PCBD2: variants seen among roughly 807,000 people sequenced by gnomAD.
PCBD2 encodes the protein pterin-4-alpha-carbinolamine dehydratase 2.
PCBD2 carries 12 observed loss-of-function variants against 16.4 expected under a neutral mutation model. That is an observed-to-expected ratio of 0.73 (90% CI 0.47 to 1.19). The LOEUF (loss-of-function observed/expected upper bound fraction) is 1.19, where lower values mean the gene tolerates loss of function less well. Among genes scored for constraint, PCBD2 ranks in the 50% most tolerant of loss-of-function variants. PCBD2 has a pLI of 0.00. For missense variants in PCBD2, 138 were observed against 156.8 expected (o/e 0.88, Z 0.64); for synonymous variants, 58 against 61.8 (o/e 0.94, Z 0.29).
At chr5:134,917,484 A>G (rs1561907460) in intron 2 of PCBD2, among the ~76,000 whole-genome samples, 1 of 152,210 alleles carries the variant, frequency 6.6e-6, no homozygotes, top group Non-Finnish European at 1.5e-5. Flanking sequence ...TTCAGGAGGA[A>G]GGGACCAAGC....
At chr5:134,935,247 A>G (rs1386644653) in intron 2 of PCBD2, among the ~76,000 whole-genome samples, 1 of 152,214 alleles carries the variant, frequency 6.6e-6, no homozygotes, top group Non-Finnish European at 1.5e-5. Context: ...GCTGGTTTAA[A>G]TGTAACTGTT....
At chr5:134,916,860 TGACA>T (rs1019617604) in intron 2 of PCBD2, among the ~76,000 whole-genome samples, 5 of 152,234 alleles carry the variant, frequency 3.3e-5, no homozygotes, top group Admixed American at 6.5e-5. Flanking sequence ...AGTATGTTGG[TGACA>T]GACAGTGACT....
rs1387848985 is a variant in PCBD2, at chr5:134,961,853, C to A, written c.*1172C>A. Among the ~76,000 whole-genome samples, 1 of 151,698 alleles carries A rather than the reference C, an allele frequency of 6.6e-6. No homozygotes were observed. Among genetic ancestry groups the A allele is most frequent in the African/African-American group, 2.4e-5 (1 of 41,254 alleles). ...CACGGTTTATTGCAGCCTTAACCTC[C>A]TGGGCTCAAGCAGTTCTCCCTCCTC... On this transcript the variant is annotated 3_prime_UTR_variant, in exon 4 of 4. Transcript: ENST00000254908.
At chr5:134,949,573 C>T (rs2149539410) in intron 2 of PCBD2, among the ~76,000 whole-genome samples, 1 of 152,262 alleles carries the variant, frequency 6.6e-6, no homozygotes, top group South Asian at 2.1e-4. Context: ...GTCTGACAGT[C>T]CAGAGAAAAA....
At chr5:134,948,541 A>G (rs562872636) in intron 2 of PCBD2, among the ~76,000 whole-genome samples, 202 of 152,326 alleles carry the variant, frequency 1.3e-3, no homozygotes, top group Admixed American at 2.5e-3. Flanking sequence ...GGAATTCAGT[A>G]GAAATTTACT....
chr5:134,929,149 A>G lies in PCBD2; in HGVS notation c.216+18683A>G, dbSNP rs192479819. Among the ~76,000 whole-genome samples the G allele has an allele frequency of 2.5e-3, 383 of 152,220 alleles. 5 individuals carry two copies. Among genetic ancestry groups the G allele is most frequent in the Non-Finnish European group, 6.5e-4 (44 of 68,018 alleles). On this transcript the variant is annotated intron_variant, in intron 2 of 3. Transcript: ENST00000254908. Reference sequence around the variant, plus strand: ...TCAGGACTTGGTCCATTTAGGGGTGAGTTAGAAGAGGAGGAGTTGGCAAAG... The same window carrying G: ...TCAGGACTTGGTCCATTTAGGGGTGGGTTAGAAGAGGAGGAGTTGGCAAAG...
At chr5:134,933,674 C>T (rs1005365664) in intron 2 of PCBD2, among the ~76,000 whole-genome samples, 80 of 152,164 alleles carry the variant, frequency 5.3e-4, no homozygotes, top group African/African-American at 1.6e-3. Context: ...CTAAATGCTC[C>T]GTATTAATGC....
chr5:134,960,351 GAGAACTTTTTATTTCA>G (rs1313815652), intron 3 of PCBD2, among the ~76,000 whole-genome samples: 1 of 152,190 alleles, frequency 6.6e-6, no homozygotes, highest in Non-Finnish European at 1.5e-5. Context: ...CTTCATGGAA[GAGAACTTTTTATTTCA>G]AGGTGGCTGT....
At chr5:134,915,246 C>T (rs1349239175) in intron 2 of PCBD2, among the ~76,000 whole-genome samples, 4 of 148,766 alleles carry the variant, frequency 2.7e-5, no homozygotes, top group Non-Finnish European at 3.0e-5. Flanking sequence ...ACCTGGGAGG[C>T]GGAGGTTGCA....
intron 2 of PCBD2, among the ~76,000 whole-genome samples, chr5:134,944,863 A>C (rs1440314782): frequency 6.6e-6 from 1 of 152,248 alleles, no homozygotes; most frequent in East Asian, 1.9e-4. Context: ...GCTGGTGTTT[A>C]TCTGGTCAGG....
At chr5:134,945,943 A>G (rs913057128) in intron 2 of PCBD2, among the ~76,000 whole-genome samples, 3 of 152,194 alleles carry the variant, frequency 2.0e-5, no homozygotes, top group Admixed American at 6.5e-5. Context: ...TTTTCAGGAT[A>G]TAAGGATACC....
At chr5:134,908,862 G>A (rs1374845568) in intron 1 of PCBD2, 1 of 152,140 alleles carries the variant, frequency 6.6e-6, no homozygotes, top group Admixed American at 6.5e-5. Flanking sequence ...TGAAGTGGGA[G>A]TGAGTTGCAG....
chr5:134,930,082 C>T (rs1157373461), intron 2 of PCBD2, among the ~76,000 whole-genome samples: 1 of 152,156 alleles, frequency 6.6e-6, no homozygotes, highest in Non-Finnish European at 1.5e-5. Context: ...GCAACTGAAG[C>T]CCAGGGGTAA....
intron 2 of PCBD2, among the ~76,000 whole-genome samples, chr5:134,915,237 C>T (rs1414869739): frequency 6.6e-6 from 1 of 151,824 alleles, no homozygotes; most frequent in African/African-American, 2.4e-5. Context: ...ATCGCTTGAA[C>T]CTGGGAGGCG....
chr5:134,930,942 G>A (rs934509239), intron 2 of PCBD2, among the ~76,000 whole-genome samples: 1 of 152,090 alleles, frequency 6.6e-6, no homozygotes, highest in Non-Finnish European at 1.5e-5. Flanking sequence ...TTTTGAGACA[G>A]AGTCTTGCTC....
chr5:134,930,720 A>G (rs1001098272), intron 2 of PCBD2, among the ~76,000 whole-genome samples: 1 of 152,170 alleles, frequency 6.6e-6, no homozygotes, highest in Non-Finnish European at 1.5e-5. Flanking sequence ...TACAGCCACA[A>G]TCGGATGAGA....
At chr5:134,941,616 G>A (rs1309867621) in intron 2 of PCBD2, among the ~76,000 whole-genome samples, 1 of 152,168 alleles carries the variant, frequency 6.6e-6, no homozygotes, top group Non-Finnish European at 1.5e-5. Flanking sequence ...ATGTGAGACT[G>A]TGAAGCTTCT....
At chr5:134,916,179 G>A (rs905776409) in intron 2 of PCBD2, among the ~76,000 whole-genome samples, 1 of 152,116 alleles carries the variant, frequency 6.6e-6, no homozygotes, top group Non-Finnish European at 1.5e-5. Flanking sequence ...TCAGTTACAT[G>A]GGAGGGAGGC....
rs777422676 is a variant in PCBD2 at position 134,905,193 on chromosome 5, G to A, written c.54G>A (p.Leu18=). The A allele has an allele frequency of 3.5e-5, 43 of 1,224,590 alleles. No homozygotes were observed. Among genetic ancestry groups the A allele is most frequent in the Non-Finnish European group, 4.4e-5 (43 of 983,570 alleles). The allele number at this position is 1,224,590 out of a possible 1,614,324, so 75.9% of individuals were successfully genotyped here. A position where few individuals can be genotyped will look rare whatever the true frequency, so the allele number is the denominator to read the frequency against. ...LGATRRLLAA[L]RGQSLGLAAM... ...CGACGCGGCGCTTGTTGGCGGCGCT[G>A]CGAGGCCAGAGCCTAGGGCTAGCGG... The change falls in exon 1 of 4, where the codon CTG becomes CTA. Residue 18 remains leucine, a synonymous_variant. Coordinates refer to ENST00000254908, the MANE Select transcript of PCBD2 (RefSeq NM_032151.5).
Sources: gnomAD v4.1 joint callset for allele counts (sites outside exome capture counted in the v4.1 genomes callset) on GRCh38, gnomAD v4.1.1 for gene constraint, MANE v1.5 for transcripts, NCBI Gene and HGNC (gene_info 2026-07-23, HGNC 2026-07-21) for gene names.